The following MTMR2 variants were observed in gnomAD, a reference collection of about 807,000 sequenced individuals.
MTMR2 encodes myotubularin related protein 2, also known as phosphatidylinositol-3,5-bisphosphate 3-phosphatase MTMR2.
In MTMR2, 55 loss-of-function variants were observed where a neutral mutation model predicts 86.9. That is an observed-to-expected ratio of 0.63 (90% confidence interval 0.51 to 0.79). The LOEUF is 0.79. MTMR2 is among the 30% of genes least tolerant of loss of function. The pLI is 0.00. For missense variants in MTMR2, 659 were observed against 772.3 expected, an observed-to-expected ratio of 0.85 and a Z score of 1.74; for synonymous variants, 241 against 266.8, an observed-to-expected ratio of 0.90 and a Z score of 0.94.
intron 1 of MTMR2, among the ~76,000 whole-genome samples, chr11:95,894,010 ACT>A (rs1865799169): frequency 6.6e-6 from 1 of 151,694 alleles, no homozygotes; most frequent in African/African-American, 2.4e-5. Flanking sequence ...TCAGCATAAC[ACT>A]CAGTTTTCCA....
intron 1 of MTMR2, among the ~76,000 whole-genome samples, chr11:95,906,212 G>A (rs996977939): frequency 5.3e-5 from 8 of 152,106 alleles, no homozygotes; most frequent in Admixed American, 1.3e-4. Flanking sequence ...GCAATACAGC[G>A]AGACTCTGTC....
Position 95,862,260 on chromosome 11 carries a change from TCTGA to T in MTMR2, c.357+8_357+11del. 1 of 1,589,228 alleles carries T rather than the reference TCTGA, an allele frequency of 6.3e-7. No individual in the cohort carries two copies. The highest frequency in any genetic ancestry group is 8.6e-7 in the Non-Finnish European group (1 of 1,160,308). On this transcript the variant is annotated splice_region_variant and intron_variant, in intron 4 of 14. Transcript: ENST00000346299. The stretch of plus-strand genomic sequence containing the variant: ...CACTCATGTACATACAAAAATCTAA[TCTGA>T]CTCTTACCCGTTCCATGCTTTTGAA...
chr11:95,855,304 T>C (rs1047807330), intron 7 of MTMR2, among the ~76,000 whole-genome samples: 1 of 152,088 alleles, frequency 6.6e-6, no homozygotes, highest in Admixed American at 6.5e-5. Flanking sequence ...TGCCCAAGCT[T>C]GAGTGCAGTG....
intron 1 of MTMR2, among the ~76,000 whole-genome samples, chr11:95,893,274 G>C (rs989756021): frequency 6.6e-6 from 1 of 151,996 alleles, no homozygotes; most frequent in Non-Finnish European, 1.5e-5. Flanking sequence ...TGTGCATCTT[G>C]TCATTACACC....
At chr11:95,904,758 T>C (rs377710113) in intron 1 of MTMR2, among the ~76,000 whole-genome samples, 2 of 152,218 alleles carry the variant, frequency 1.3e-5, no homozygotes, top group South Asian at 4.1e-4. Flanking sequence ...TCTTTATTCC[T>C]TTACTTAATA....
intron 7 of MTMR2, among the ~76,000 whole-genome samples, chr11:95,852,714 TAC>T (rs1319041431): frequency 1.3e-5 from 2 of 152,198 alleles, no homozygotes; most frequent in East Asian, 3.8e-4. Flanking sequence ...TTTCCAGAAC[TAC>T]AGTCTTAATT....
chr11:95,852,320 T>C (rs1398525563), intron 7 of MTMR2, among the ~76,000 whole-genome samples: 1 of 152,212 alleles, frequency 6.6e-6, no homozygotes, highest in Admixed American at 6.5e-5. Flanking sequence ...CCTTTTTATA[T>C]AAAAGTACAT....
chr11:95,863,646 T>G (rs1864500708), intron 3 of MTMR2, among the ~76,000 whole-genome samples: 1 of 152,160 alleles, frequency 6.6e-6, no homozygotes, highest in Non-Finnish European at 1.5e-5. Context: ...ACAGTCAATT[T>G]TCTTACTCAT....
At chr11:95,919,815 C>T (rs1866848403) in intron 1 of MTMR2, among the ~76,000 whole-genome samples, 1 of 152,138 alleles carries the variant, frequency 6.6e-6, no homozygotes, top group African/African-American at 2.4e-5. Context: ...ATTCCGTCAA[C>T]ATTCTTTTAT....
intron 2 of MTMR2, among the ~76,000 whole-genome samples, chr11:95,869,314 T>C (rs958904777): frequency 2.6e-5 from 4 of 152,050 alleles, no homozygotes; most frequent in African/African-American, 9.7e-5. Context: ...TGGGTTTATC[T>C]GGATGTAACC....
At chr11:95,878,321 A>C (rs1865198858) in intron 2 of MTMR2, among the ~76,000 whole-genome samples, 1 of 151,278 alleles carries the variant, frequency 6.6e-6, no homozygotes, top group African/African-American at 2.4e-5. Context: ...CGCAAAGGGG[A>C]TTTTTAGGGC....
At position 95,888,253 on chromosome 11, in the gene MTMR2, G is replaced by A. The variant is rs1865583657; in HGVS notation, c.89C>T (p.Thr30Ile). Residue 30 changes from threonine to isoleucine, a missense_variant, in exon 2 of 15, where the codon ACT becomes ATT. By Grantham distance (89) the Thr-to-Ile change is moderately conservative. Coordinates refer to ENST00000346299, the MANE Select transcript of MTMR2 (RefSeq NM_016156.6). ...ATGCACTGAATTCTCTGAATGAGAA[G>A]TGGAGGCACTACAAAATACAAAAGT... ...PSVDSLSSAS[T>I]SHSENSVHTK... 1.2e-6 allele frequency: 2 copies of A among 1,612,258 alleles called. No individual in the cohort carries two copies. The highest frequency in any genetic ancestry group is 1.7e-5 in the Admixed American group (1 of 60,000).
At chr11:95,872,512 G>A (rs925885670) in intron 2 of MTMR2, among the ~76,000 whole-genome samples, 2 of 152,082 alleles carry the variant, frequency 1.3e-5, no homozygotes, top group African/African-American at 4.8e-5. Flanking sequence ...GGAGATTTTG[G>A]GCTGAGACGA....
intron 2 of MTMR2, among the ~76,000 whole-genome samples, chr11:95,878,518 TAATA>T (rs1865206744): frequency 1.3e-5 from 2 of 152,102 alleles, no homozygotes; most frequent in Admixed American, 6.5e-5. Context: ...ACAGTCAACG[TAATA>T]AATATCAATT....
At chr11:95,916,504 A>G (rs991340967) in intron 1 of MTMR2, among the ~76,000 whole-genome samples, 1 of 152,116 alleles carries the variant, frequency 6.6e-6, no homozygotes, top group Non-Finnish European at 1.5e-5. Flanking sequence ...GGAATGTAAG[A>G]CAATCTGGGT....
At chr11:95,862,564 T>C (rs1221497483) in intron 3 of MTMR2, among the ~76,000 whole-genome samples, 198 bp from the exon 4 acceptor site, 5 of 152,116 alleles carry the variant, frequency 3.3e-5, no homozygotes, top group African/African-American at 4.8e-5. Context: ...CAGAATTAAA[T>C]GGGATAGGCT....
intron 1 of MTMR2, among the ~76,000 whole-genome samples, chr11:95,899,701 C>T (rs749267822): frequency 6.6e-6 from 1 of 150,994 alleles, no homozygotes; most frequent in Non-Finnish European, 1.5e-5. Flanking sequence ...AAAGCTGAGG[C>T]AAGCTTGAAA....
chr11:95,861,908 T>C, intron 5 of MTMR2, 84 bp downstream of exon 5: 1 of 1,042,116 alleles, frequency 9.6e-7, no homozygotes, highest in South Asian at 1.4e-5. Flanking sequence ...TTTTATATTT[T>C]AGAAACCAAT....
At chr11:95,882,192 T>C (rs484534) in intron 2 of MTMR2, among the ~76,000 whole-genome samples, 8,723 of 152,022 alleles carry the variant, frequency 0.057, 810 homozygotes, top group African/African-American at 0.2. Flanking sequence ...ATCACATTCA[T>C]GGACATAGTC....
Sources: gnomAD v4.1 joint callset for allele counts (sites outside exome capture counted in the v4.1 genomes callset) on GRCh38, gnomAD v4.1.1 for gene constraint, MANE v1.5 for transcripts, NCBI Gene and HGNC (gene_info 2026-07-23, HGNC 2026-07-21) for gene names.